TSPAN9: variants seen among roughly 807,000 people sequenced by gnomAD.
TSPAN9 encodes the protein tetraspanin-9.
Under a neutral mutation model 31.0 loss-of-function variants are expected in TSPAN9, and 16 were observed. That is an observed-to-expected ratio of 0.52 (90% CI 0.35 to 0.78). The LOEUF is 0.78. Among genes scored for constraint, TSPAN9 ranks in the 30% least tolerant of loss-of-function variants. The probability of loss-of-function intolerance (pLI) is 0.01; values close to 1 mark genes in which losing one functional copy is unlikely to be tolerated. For synonymous variants in TSPAN9, 145 were observed against 121.6 expected (o/e 1.19, Z -1.27); for missense variants, 272 against 312.5 (o/e 0.87, Z 0.98).
chr12:3,092,390 G>C (rs2098305212), intron 2 of TSPAN9, among the ~76,000 whole-genome samples: 1 of 152,218 alleles, frequency 6.6e-6, no homozygotes, highest in African/African-American at 2.4e-5. Flanking sequence ...TGATAAGAGA[G>C]CTTTAGCCAA....
In TSPAN9 at chr12:3,095,412, G is replaced by A. The variant is rs1294950425; in HGVS notation, c.-18+11693G>A. 6.1e-5 allele frequency among the ~76,000 whole-genome samples: 9 copies of A among 147,692 alleles called. No homozygotes were observed. In the East Asian group the frequency reaches 1.2e-3, roughly 20 times the overall value. The stretch of plus-strand genomic sequence containing the variant: ...ACACCTCCCAGACGGGGTGGTGGCC[G>A]GGCAGAGGGGCTCCTCACTTCCCAG... On this transcript the variant is annotated intron_variant, in intron 2 of 8. Coordinates refer to ENST00000011898, the MANE Select transcript of TSPAN9 (RefSeq NM_006675.5).
intron 2 of TSPAN9, among the ~76,000 whole-genome samples, chr12:3,154,209 G>A (rs543376749): frequency 4.6e-5 from 7 of 152,204 alleles, no homozygotes. Context: ...AGCAGCCACA[G>A]GGTTTAGCTG....
chr12:3,277,015 G>A (rs1435981147), intron 3 of TSPAN9, among the ~76,000 whole-genome samples: 1 of 152,200 alleles, frequency 6.6e-6, no homozygotes, highest in Non-Finnish European at 1.5e-5. Flanking sequence ...GATTCCTGGA[G>A]TCAGCATAGT....
intron 2 of TSPAN9, among the ~76,000 whole-genome samples, chr12:3,130,895 C>G (rs181378100): frequency 2.1e-4 from 32 of 152,270 alleles, no homozygotes; most frequent in Non-Finnish European, 4.3e-4. Flanking sequence ...GCTCTTGGAT[C>G]ACTCCCTTCT....
In TSPAN9 at chr12:3,169,897, G is replaced by A. The variant is rs112375502; in HGVS notation, c.-17-31280G>A. 3.0e-3 allele frequency among the ~76,000 whole-genome samples: 461 copies of A among 152,202 alleles called. 2 individuals are homozygous for A. The highest frequency in any genetic ancestry group is 0.011 in the African/African-American group (444 of 41,496). On this transcript the variant is annotated intron_variant, in intron 2 of 8. Coordinates refer to ENST00000011898, the MANE Select transcript of TSPAN9 (RefSeq NM_006675.5). The stretch of plus-strand genomic sequence containing the variant: ...CTTAGAGGTGTATGCAGCTCCCTGA[G>A]TGGGACTCAAGCCATCCACTTGAAC...
intron 2 of TSPAN9, among the ~76,000 whole-genome samples, chr12:3,167,541 A>G (rs2098349171): frequency 6.6e-6 from 1 of 152,202 alleles, no homozygotes; most frequent in Non-Finnish European, 1.5e-5. Flanking sequence ...AGGTGCTAAT[A>G]AAACTAGTGG....
chr12:3,124,277 T>C (rs2098326376), intron 2 of TSPAN9, among the ~76,000 whole-genome samples: 1 of 152,236 alleles, frequency 6.6e-6, no homozygotes, highest in East Asian at 1.9e-4. Context: ...GAAGTTTATA[T>C]CAAAGGCCTT....
rs200887521 is a variant in TSPAN9 at position 3,212,728 on chromosome 12, CAG to C, written c.63+11473_63+11474del. 5.5e-3 allele frequency among the ~76,000 whole-genome samples: 835 copies of C among 152,248 alleles called. 5 individuals are homozygous for C. The highest frequency in any genetic ancestry group is 9.5e-3 in the Non-Finnish European group (644 of 68,028). Reference sequence around the variant, plus strand: ...AGCTAGTCTTCTAGTGGGTGCAGGTCAGGGGTGAGCACCAGGTATGGTGCTCA... The same window carrying C: ...AGCTAGTCTTCTAGTGGGTGCAGGTCGGGTGAGCACCAGGTATGGTGCTCA... On this transcript the variant is annotated intron_variant, in intron 3 of 8. Coordinates refer to ENST00000011898, the MANE Select transcript of TSPAN9 (RefSeq NM_006675.5).
In TSPAN9 at chr12:3,113,925, A is replaced by T. The variant is rs188591295; in HGVS notation, c.-18+30206A>T. ...GCAGGTCCCCTTGTTCCACGTGCTC[A>T]CTGGGCAGTAGGTTCTTCCCCTCCC... On this transcript the variant is annotated intron_variant, in intron 2 of 8. Transcript: ENST00000011898. Among the ~76,000 whole-genome samples the T allele has an allele frequency of 1.5e-3, 233 of 152,262 alleles. 1 individual carries two copies. Among genetic ancestry groups the T allele is most frequent in the Non-Finnish European group, 2.3e-3 (156 of 68,008 alleles).
At chr12:3,150,229 A>G (rs1470035897) in intron 2 of TSPAN9, among the ~76,000 whole-genome samples, 1 of 152,196 alleles carries the variant, frequency 6.6e-6, no homozygotes, top group Non-Finnish European at 1.5e-5. Flanking sequence ...TCTGCCAGTT[A>G]TAGGCTTAAT....
chr12:3,271,391 C>T (rs1235792806), intron 3 of TSPAN9, among the ~76,000 whole-genome samples: 1 of 152,178 alleles, frequency 6.6e-6, no homozygotes, highest in African/African-American at 2.4e-5. Context: ...TGGGTCCTAC[C>T]ATAGCTGGAG....
At chr12:3,238,486 G>A (rs974266240) in intron 3 of TSPAN9, among the ~76,000 whole-genome samples, 1 of 152,096 alleles carries the variant, frequency 6.6e-6, no homozygotes. Flanking sequence ...TATTAGGTCC[G>A]GCTCCTTCTC....
chr12:3,135,753 AT>A (rs1324190945), intron 2 of TSPAN9, among the ~76,000 whole-genome samples: 3 of 152,046 alleles, frequency 2.0e-5, no homozygotes, highest in Non-Finnish European at 1.5e-5. Context: ...GGGGACTCAA[AT>A]TCCACATCTC....
rs570157353 is a variant in TSPAN9 at position 3,246,287 on chromosome 12, C to T, written c.64-32134C>T. On this transcript the variant is annotated intron_variant, in intron 3 of 8. Transcript: ENST00000011898. The stretch of plus-strand genomic sequence containing the variant: ...GGATGGTGCTACCCCATGATCTAGT[C>T]GCCTCCCCACTTCCAGCATTGGGGG... Among the ~76,000 whole-genome samples the T allele has an allele frequency of 4.6e-5, 7 of 152,144 alleles. No homozygotes were observed. In the South Asian group the frequency reaches 6.2e-4, roughly 14 times the overall value.
At chr12:3,092,104 G>T (rs1044563142) in intron 2 of TSPAN9, among the ~76,000 whole-genome samples, 1 of 152,212 alleles carries the variant, frequency 6.6e-6, no homozygotes, top group African/African-American at 2.4e-5. Context: ...TTTGGCCATA[G>T]AATTGGAAAA....
At chr12:3,096,352 G>A (rs1165265154) in intron 2 of TSPAN9, among the ~76,000 whole-genome samples, 2 of 152,088 alleles carry the variant, frequency 1.3e-5, no homozygotes, top group African/African-American at 4.8e-5. Flanking sequence ...TTACTGGCAT[G>A]GGACTTCTGC....
Position 3,219,710 on chromosome 12 carries a change from G to A in TSPAN9, c.63+18454G>A, listed in dbSNP as rs191054695. Among the ~76,000 whole-genome samples, 5 of 152,270 alleles carry A rather than the reference G, an allele frequency of 3.3e-5. 1 individual carries two copies. In the South Asian group the frequency reaches 8.3e-4, roughly 25 times the overall value. ...CATCACACACCCTGGGGCCTGTCGG[G>A]GGGTGAGGAGCTAGGGGAGGGATAG... On this transcript the variant is annotated intron_variant, in intron 3 of 8. Transcript: ENST00000011898.
chr12:3,254,413 G>A (rs568658783), intron 3 of TSPAN9, among the ~76,000 whole-genome samples: 6 of 152,290 alleles, frequency 3.9e-5, no homozygotes, highest in East Asian at 1.9e-4. Flanking sequence ...GAAAATGGAC[G>A]CGAGTGCCCA....
chr12:3,225,238 G>C (rs541839488), intron 3 of TSPAN9, among the ~76,000 whole-genome samples: 1 of 152,228 alleles, frequency 6.6e-6, no homozygotes, highest in African/African-American at 2.4e-5. Flanking sequence ...AGCGCACAGA[G>C]GTGAATGATT....
Sources: allele counts gnomAD v4.1 joint callset (sites outside exome capture counted in the v4.1 genomes callset), GRCh38; gene constraint gnomAD v4.1.1; transcripts MANE v1.5; gene names NCBI Gene and HGNC (gene_info 2026-07-23, HGNC 2026-07-21).